MEI4: variants seen among roughly 807,000 people sequenced by gnomAD.
MEI4 encodes meiosis-specific protein MEI4.
A neutral mutation model predicts 31.4 loss-of-function variants in MEI4; 27 were observed. The observed-to-expected ratio is 0.86, with a 90% CI of 0.63 to 1.19. The LOEUF (loss-of-function observed/expected upper bound fraction) is 1.19. MEI4 is among the 50% of genes most tolerant of loss of function. MEI4 has a pLI of 0.00. For synonymous variants in MEI4, 122 were observed against 145.4 expected (o/e 0.84, Z 1.16); for missense variants, 329 against 398.9 (o/e 0.82, Z 1.49).
At chr6:77,733,497 G>T (rs950422297) in intron 2 of MEI4, among the ~76,000 whole-genome samples, 2 of 151,944 alleles carry the variant, frequency 1.3e-5, no homozygotes, top group Admixed American at 6.6e-5. Context: ...TTTTTATTGT[G>T]TCTATTTGAT....
chr6:77,841,648 A>G (rs1459609739), intron 4 of MEI4, among the ~76,000 whole-genome samples: 3 of 151,806 alleles, frequency 2.0e-5, no homozygotes, highest in African/African-American at 7.3e-5. Flanking sequence ...AACCCTATAA[A>G]TGTATATTTT....
intron 4 of MEI4, among the ~76,000 whole-genome samples, chr6:77,913,173 T>C (rs892980971): frequency 6.6e-6 from 1 of 152,180 alleles, no homozygotes; most frequent in African/African-American, 2.4e-5. Context: ...TTTGATGCGC[T>C]GTGTATTTGG....
At chr6:77,894,264 A>G (rs1421315936) in intron 4 of MEI4, among the ~76,000 whole-genome samples, 1 of 152,132 alleles carries the variant, frequency 6.6e-6, no homozygotes, top group Non-Finnish European at 1.5e-5. Flanking sequence ...TCTTTGTTCT[A>G]AAAAGTAATT....
At chr6:77,873,788 G>C (rs1771259588) in intron 4 of MEI4, among the ~76,000 whole-genome samples, 1 of 152,000 alleles carries the variant, frequency 6.6e-6, no homozygotes, top group Non-Finnish European at 1.5e-5. Flanking sequence ...TGTATAAGGT[G>C]TAAGGAAGGG....
intron 3 of MEI4, among the ~76,000 whole-genome samples, chr6:77,817,247 C>T (rs544157946): frequency 1.2e-4 from 19 of 152,052 alleles, no homozygotes; most frequent in Admixed American, 2.6e-4. Context: ...CTTGGTTGAA[C>T]TTGTTCTTCA....
intron 3 of MEI4, among the ~76,000 whole-genome samples, chr6:77,769,388 G>T (rs1268433516): frequency 6.6e-6 from 1 of 152,100 alleles, no homozygotes; most frequent in African/African-American, 2.4e-5. Flanking sequence ...ATGGGCTAAA[G>T]TGTTCTGGGG....
intron 2 of MEI4, among the ~76,000 whole-genome samples, chr6:77,729,149 C>A (rs932511645): frequency 2.0e-5 from 3 of 152,118 alleles, no homozygotes; most frequent in Non-Finnish European, 2.9e-5. Context: ...CTTGGAGTCA[C>A]AAAGGTGAGA....
intron 4 of MEI4, among the ~76,000 whole-genome samples, chr6:77,907,993 GT>G (rs36134334): frequency 0.033 from 4,704 of 144,298 alleles, 97 homozygotes; most frequent in Middle Eastern, 0.075. Flanking sequence ...TGTTGATGGG[GT>G]TTTTTTTTTT....
At chr6:77,895,150 T>G (rs904935649) in intron 4 of MEI4, among the ~76,000 whole-genome samples, 1 of 152,174 alleles carries the variant, frequency 6.6e-6, no homozygotes, top group Non-Finnish European at 1.5e-5. Flanking sequence ...ACGTATCTTC[T>G]TTCAGAGATG....
chr6:77,700,404 A>G (rs1766188495), intron 2 of MEI4, among the ~76,000 whole-genome samples: 1 of 152,128 alleles, frequency 6.6e-6, no homozygotes, highest in Admixed American at 6.5e-5. Context: ...CATGTGTGGG[A>G]TATAATCTCC....
At chr6:77,783,985 A>G (rs1768665499) in intron 3 of MEI4, among the ~76,000 whole-genome samples, 1 of 152,156 alleles carries the variant, frequency 6.6e-6, no homozygotes, top group African/African-American at 2.4e-5. Context: ...GAATTAAGAG[A>G]AATCAAGTTA....
chr6:77,681,686 TAA>T (rs553103776), intron 1 of MEI4, among the ~76,000 whole-genome samples: 1 of 151,886 alleles, frequency 6.6e-6, no homozygotes, highest in African/African-American at 2.4e-5. Flanking sequence ...GGGATGGAAT[TAA>T]AAAAAATAGT....
chr6:77,680,356 G>A (rs771023836), intron 1 of MEI4, among the ~76,000 whole-genome samples: 1 of 152,052 alleles, frequency 6.6e-6, no homozygotes, highest in Non-Finnish European at 1.5e-5. Context: ...CAGTGGGGTA[G>A]TGGGGTAAGT....
intron 4 of MEI4, among the ~76,000 whole-genome samples, chr6:77,916,977 G>C (rs1020082810): frequency 4.1e-5 from 6 of 146,598 alleles, no homozygotes; most frequent in African/African-American, 1.5e-4. Context: ...GTGTCCGTGT[G>C]ATCTCATTGT....
chr6:77,911,261 C>A (rs1021084857), intron 4 of MEI4, among the ~76,000 whole-genome samples: 1 of 152,020 alleles, frequency 6.6e-6, no homozygotes, highest in African/African-American at 2.4e-5. Flanking sequence ...GCAGAATCTT[C>A]TTAGTTCAAT....
Position 77,923,391 on chromosome 6 carries a change from GAA to G in MEI4, c.*46_*47del, listed in dbSNP as rs1766757757. 8.3e-7 allele frequency: 1 copy of G among 1,211,316 alleles called. No individual in the cohort carries two copies. The highest frequency in any genetic ancestry group is 4.2e-5 in the South Asian group (1 of 23,572). The allele number at this position is 1,211,316 out of a possible 1,614,324, so 75.0% of individuals were successfully genotyped here. ...ACCACGTTTGAAGCATAATAAAGTAGAATATATGAAAATCTCATACTGAAAAG... is the reference window on the plus strand; with the variant it reads ...ACCACGTTTGAAGCATAATAAAGTAGTATATGAAAATCTCATACTGAAAAG... On this transcript the variant is annotated 3_prime_UTR_variant, in exon 5 of 5. Coordinates refer to ENST00000684080, the MANE Select transcript of MEI4 (RefSeq NM_001322247.2).
At chr6:77,767,014 G>A (rs1768192825) in intron 3 of MEI4, among the ~76,000 whole-genome samples, 2 of 151,994 alleles carry the variant, frequency 1.3e-5, no homozygotes, top group Admixed American at 1.3e-4. Context: ...TCTGCTTTGA[G>A]AATATTCCTT....
chr6:77,846,937 A>G (rs1235102312), intron 4 of MEI4, among the ~76,000 whole-genome samples: 1 of 152,124 alleles, frequency 6.6e-6, no homozygotes, highest in Non-Finnish European at 1.5e-5. Context: ...TACATTTCTC[A>G]ATGCAGCTCA....
intron 4 of MEI4, among the ~76,000 whole-genome samples, chr6:77,866,267 T>G (rs1771025030): frequency 6.6e-6 from 1 of 152,002 alleles, no homozygotes. Flanking sequence ...GGGTATTCAA[T>G]TAGGAAAAGA....
Sources: gnomAD v4.1 joint callset for allele counts (sites outside exome capture counted in the v4.1 genomes callset) on GRCh38, gnomAD v4.1.1 for gene constraint, MANE v1.5 for transcripts, NCBI Gene and HGNC (gene_info 2026-07-23, HGNC 2026-07-21) for gene names.